Variants in TTC23L observed in about 807,000 individuals in gnomAD.
TTC23L encodes tetratricopeptide repeat protein 23-like.
A neutral mutation model predicts 48.1 loss-of-function variants in TTC23L; 42 were observed. That is an observed-to-expected ratio of 0.87 (90% CI 0.68 to 1.13). TTC23L has a LOEUF of 1.13. Among genes scored for constraint, TTC23L ranks in the 50% most tolerant of loss-of-function variants. The pLI is 0.00. For synonymous variants in TTC23L, 159 were observed against 157.2 expected (o/e 1.01, Z -0.09); for missense variants, 391 against 421.0 (o/e 0.93, Z 0.62).
In TTC23L at chr5:34,842,760, A is replaced by G. The variant is rs183495071; in HGVS notation, c.68+2021A>G. Among the ~76,000 whole-genome samples, 22 of 152,350 alleles carry G rather than the reference A, an allele frequency of 1.4e-4. No individual in the cohort carries two copies. The East Asian group carries it at 4.0e-3, about 28-fold the overall frequency. ...ACTCGTGAGTTTGCTCACATCCTGC[A>G]TTCATGATAAACAGTTTGCTGTTTG... is the stretch of plus-strand genomic sequence containing the variant. On this transcript the variant is annotated intron_variant, in intron 2 of 10. Coordinates refer to ENST00000505624, the Ensembl canonical transcript of TTC23L.
chr5:34,919,370 GT>G, the TTC23L span, among the ~76,000 whole-genome samples: 6 of 151,458 alleles, frequency 4.0e-5, 1 homozygote, highest in African/African-American at 1.5e-4. Flanking sequence ...GTGCTTTGGG[GT>G]TTTTTTGTTT....
At chr5:34,859,579 C>G (rs76982314) in intron 4 of TTC23L, among the ~76,000 whole-genome samples, 50,741 of 151,846 alleles carry the variant, frequency 0.33, 9,840 homozygotes, top group South Asian at 0.45. Flanking sequence ...ATAAAAGAGG[C>G]TTTTTGTGGT....
chr5:34,881,877 C>T (rs1762245872), intron 9 of TTC23L, among the ~76,000 whole-genome samples: 1 of 151,446 alleles, frequency 6.6e-6, no homozygotes. Context: ...GATTTTTGTG[C>T]CTCAGCCTCC....
At chr5:34,862,078 C>G (rs1016321931) in intron 4 of TTC23L, among the ~76,000 whole-genome samples, 1 of 152,122 alleles carries the variant, frequency 6.6e-6, no homozygotes, top group Non-Finnish European at 1.5e-5. Flanking sequence ...TGTAGCAGAG[C>G]AGCTCCCTCA....
chr5:34,840,042 C>G (rs1758482716), intron 1 of TTC23L, among the ~76,000 whole-genome samples: 1 of 152,206 alleles, frequency 6.6e-6, no homozygotes, highest in Non-Finnish European at 1.5e-5. Context: ...CAGGCGTGCA[C>G]CACCACAGCC....
At chr5:34,854,815 C>T (rs185977447) in intron 4 of TTC23L, among the ~76,000 whole-genome samples, 233 of 152,208 alleles carry the variant, frequency 1.5e-3, no homozygotes, top group African/African-American at 5.5e-3. Context: ...ATAAAGAAGC[C>T]CTCAAAGGTT....
At chr5:34,872,439 T>C (rs10941223) in intron 8 of TTC23L, among the ~76,000 whole-genome samples, 47,534 of 152,068 alleles carry the variant, frequency 0.31, 9,184 homozygotes, top group Non-Finnish European at 0.43. Flanking sequence ...ATAAAAACTC[T>C]GGAGAGCAAT....
intron 2 of TTC23L, among the ~76,000 whole-genome samples, chr5:34,842,848 CAG>C (rs1758802646): frequency 6.6e-6 from 1 of 152,192 alleles, no homozygotes; most frequent in Non-Finnish European, 1.5e-5. Flanking sequence ...GCTCCCAGCA[CAG>C]AGTCTTGCTC....
At chr5:34,872,856 A>C (rs1761561146) in intron 8 of TTC23L, among the ~76,000 whole-genome samples, 1 of 152,162 alleles carries the variant, frequency 6.6e-6, no homozygotes. Flanking sequence ...TGAGGTCAGG[A>C]GTTTGAGACC....
chr5:34,846,429 G>A (rs188769177), intron 3 of TTC23L, among the ~76,000 whole-genome samples: 2,129 of 150,256 alleles, frequency 0.014, 13 homozygotes, highest in Non-Finnish European at 0.022. Context: ...GCGTGGTGGC[G>A]CATGCCTGTA....
chr5:34,880,626 C>T (rs1041297812), intron 9 of TTC23L: 16 of 425,264 alleles, frequency 3.8e-5, no homozygotes, highest in Non-Finnish European at 3.2e-5. Context: ...TTGCTTCTAA[C>T]GGTTCCCTCT....
At chr5:34,886,785 G>A (rs149552793) in intron 9 of TTC23L, among the ~76,000 whole-genome samples, 1 of 152,152 alleles carries the variant, frequency 6.6e-6, no homozygotes, top group East Asian at 1.9e-4. Context: ...TCTGGACAAG[G>A]GTCTTAAAAG....
downstream of TTC23L, among the ~76,000 whole-genome samples, chr5:34,903,502 T>G (rs962939438): frequency 6.6e-6 from 1 of 152,164 alleles, no homozygotes; most frequent in African/African-American, 2.4e-5. Flanking sequence ...GTCCATAGTT[T>G]ACATGAGGGT....
At chr5:34,908,880 G>A in the TTC23L span, 1 of 1,612,780 alleles carries the variant, frequency 6.2e-7, no homozygotes, top group Non-Finnish European at 8.5e-7. Flanking sequence ...TCTGTTATCT[G>A]TCCGAATAGA....
the TTC23L span, chr5:34,924,801 G>T: frequency 7.2e-7 from 1 of 1,387,394 alleles, no homozygotes; most frequent in East Asian, 2.3e-5. Flanking sequence ...TACCTTTTGG[G>T]AATAACGTAA....
the TTC23L span, chr5:34,909,157 G>A: frequency 1.0e-6 from 1 of 997,600 alleles, no homozygotes; most frequent in Non-Finnish European, 1.5e-6. Flanking sequence ...ATAAAATGCT[G>A]TGCATTTTAA....
At chr5:34,916,295 G>A in the TTC23L span, 8 of 156,094 alleles carry the variant, frequency 5.1e-5, no homozygotes, top group Middle Eastern at 3.0e-3. Flanking sequence ...GCCACTCTCA[G>A]TCAGGGATCC....
At chr5:34,909,259 T>G in the TTC23L span, 31 of 1,596,378 alleles carry the variant, frequency 1.9e-5, no homozygotes, top group Non-Finnish European at 2.6e-5. Context: ...AGAACTGACC[T>G]GTTGACTTGG....
chr5:34,885,616 G>T (rs1762494591), intron 9 of TTC23L, among the ~76,000 whole-genome samples: 1 of 152,042 alleles, frequency 6.6e-6, no homozygotes, highest in Admixed American at 6.6e-5. Context: ...GAGCAGAGTA[G>T]TGCACAACTA....
Sources: allele counts gnomAD v4.1 joint callset (sites outside exome capture counted in the v4.1 genomes callset), GRCh38; gene constraint gnomAD v4.1.1; transcripts MANE v1.5; gene names NCBI Gene and HGNC (gene_info 2026-07-23, HGNC 2026-07-21).